TBCD: variants seen among roughly 807,000 people sequenced by gnomAD.
TBCD encodes the protein tubulin folding cofactor D, also known as tubulin-specific chaperone D.
TBCD carries 105 observed loss-of-function variants against 169.3 expected under a neutral mutation model. The ratio of observed to expected loss-of-function variants is 0.62; its 90% CI spans 0.53 to 0.73. The LOEUF is 0.73. TBCD is among the 30% of genes least tolerant of loss of function. The probability of loss-of-function intolerance (pLI) is 0.00; values close to 1 mark genes in which losing one functional copy is unlikely to be tolerated. For synonymous variants in TBCD, 700 were observed against 643.9 expected (o/e 1.09, Z -1.32); for missense variants, 1,444 against 1,600.1 (o/e 0.90, Z 1.66).
chr17:82,887,168 T>TGTGTGTGTGTGTGTGTGTGTGCGC, intron 15 of TBCD, among the ~76,000 whole-genome samples: 3 of 126,102 alleles, frequency 2.4e-5, no homozygotes, highest in African/African-American at 6.7e-5. Flanking sequence ...TGTGTGTGTG[T>TGTGTGTGTGTGTGTGTGTGTGCGC]GCGCGCGCGC....
At chr17:82,799,622 A>G (rs2050356480) in intron 8 of TBCD, among the ~76,000 whole-genome samples, 1 of 152,084 alleles carries the variant, frequency 6.6e-6, no homozygotes, top group Non-Finnish European at 1.5e-5. Flanking sequence ...TCATCCCTGC[A>G]CCGCACAGGA....
chr17:82,866,710 C>G (rs1198810999), intron 13 of TBCD, among the ~76,000 whole-genome samples: 2 of 151,130 alleles, frequency 1.3e-5, no homozygotes, highest in Non-Finnish European at 2.9e-5. Flanking sequence ...CCAGAGGCCC[C>G]AGAGGCCGAG....
intron 16 of TBCD, among the ~76,000 whole-genome samples, chr17:82,891,066 G>C (rs866764552): frequency 6.6e-6 from 1 of 152,236 alleles, no homozygotes; most frequent in Admixed American, 6.5e-5. Context: ...GGTGACGACC[G>C]TGCTGGGTGG....
intron 34 of TBCD, among the ~76,000 whole-genome samples, chr17:82,933,415 G>C (rs548919556): frequency 6.6e-6 from 1 of 151,266 alleles, no homozygotes; most frequent in Non-Finnish European, 1.5e-5. Flanking sequence ...TCTAATGTAC[G>C]GCTAATGTTT....
In TBCD at chr17:82,937,535, C is replaced by T. The variant is rs1047690622; in HGVS notation, c.3281+175C>T. ...AGTCGCAATGGGAGGTGAGGCAGCC[C>T]AGGTGCTGGTGGAGGGAGTTCCCGC... On this transcript the variant is annotated intron_variant, in intron 35 of 38. Transcript: ENST00000355528. The T allele has an allele frequency of 9.3e-6, 6 of 643,338 alleles. No individual in the cohort carries two copies. The African/African-American group carries it at 1.1e-4, about 12-fold the overall frequency. 39.9% of individuals were successfully genotyped at this position (643,338 alleles called of 1,614,324 possible).
At chr17:82,882,653 C>T (rs1385725405) in intron 14 of TBCD, among the ~76,000 whole-genome samples, 1 of 152,162 alleles carries the variant, frequency 6.6e-6, no homozygotes, top group Non-Finnish European at 1.5e-5. Flanking sequence ...GTGCGAGATG[C>T]AGGAAAACAG....
intron 4 of TBCD, among the ~76,000 whole-genome samples, chr17:82,767,180 A>G (rs540280794): frequency 2.0e-5 from 3 of 151,966 alleles, no homozygotes; most frequent in Non-Finnish European, 4.4e-5. Flanking sequence ...GGGGCCTGCT[A>G]TGCTCGCTGT....
intron 7 of TBCD, among the ~76,000 whole-genome samples, chr17:82,794,153 C>T (rs1045317239): frequency 5.3e-5 from 8 of 152,206 alleles, no homozygotes; most frequent in Admixed American, 6.5e-5. Flanking sequence ...TTGGCAGTGC[C>T]TGAAGGGAGC....
chr17:82,863,390 G>A (rs2056927238), intron 13 of TBCD, among the ~76,000 whole-genome samples: 1 of 152,228 alleles, frequency 6.6e-6, no homozygotes, highest in East Asian at 1.9e-4. Context: ...CTTCAGTGAT[G>A]AGGGTGGCCA....
intron 26 of TBCD, among the ~76,000 whole-genome samples, chr17:82,924,308 T>G (rs541256964): frequency 6.6e-6 from 1 of 152,316 alleles, no homozygotes; most frequent in Non-Finnish European, 1.5e-5. Flanking sequence ...TGTGTTTCAC[T>G]CGTTAATACA....
chr17:82,931,274 C>T (rs1427847960), intron 33 of TBCD, among the ~76,000 whole-genome samples: 1 of 152,364 alleles, frequency 6.6e-6, no homozygotes, highest in Admixed American at 6.5e-5. Flanking sequence ...TCGGCCCAGC[C>T]ATGTTTTCTT....
chr17:82,769,150 T>G (rs1299361734), intron 5 of TBCD, among the ~76,000 whole-genome samples: 1 of 152,196 alleles, frequency 6.6e-6, no homozygotes, highest in Non-Finnish European at 1.5e-5. Context: ...CTGAGCTGGG[T>G]CCTTTGTGTC....
chr17:82,790,205 AC>A (rs2049607752), intron 7 of TBCD, among the ~76,000 whole-genome samples: 1 of 145,516 alleles, frequency 6.9e-6, no homozygotes, highest in African/African-American at 2.6e-5. Context: ...CTCCCCGACT[AC>A]CCTCCCGCCT....
Position 82,930,536 on chromosome 17 carries a change from C to G in TBCD, c.3006C>G (p.Thr1002=). 6.2e-7 allele frequency: 1 copy of G among 1,613,472 alleles called. No homozygotes were observed. Among genetic ancestry groups the G allele is most frequent in the Non-Finnish European group, 8.5e-7 (1 of 1,179,800 alleles). ...GLTESTIRHS[T]QSLFEYMKGI... Reference sequence around the variant, plus strand: ...CCGTGTTGCAGATCCGGCACTCCACCCAGAGCCTCTTTGAGTACATGAAGG... The same window carrying G: ...CCGTGTTGCAGATCCGGCACTCCACGCAGAGCCTCTTTGAGTACATGAAGG... Residue 1002 remains threonine (T), a synonymous_variant, in exon 33 of 39, where the codon ACC becomes ACG. Coordinates refer to ENST00000355528, the MANE Select transcript of TBCD (RefSeq NM_005993.5). The surrounding 1 kb of genome is among the most constrained non-coding windows in gnomAD (Gnocchi z 5.2).
intron 9 of TBCD, among the ~76,000 whole-genome samples, chr17:82,804,516 ACTGCCGTCTCAAGGC>A (rs1468394981): frequency 6.6e-6 from 1 of 152,156 alleles, no homozygotes; most frequent in Non-Finnish European, 1.5e-5. Context: ...CGGCCTGGCC[ACTGCCGTCTCAAGGC>A]CTGCATTGCT....
intron 13 of TBCD, among the ~76,000 whole-genome samples, chr17:82,827,091 T>C: frequency 6.6e-6 from 1 of 152,248 alleles, no homozygotes; most frequent in South Asian, 2.1e-4. Context: ...CTTTCAGTTT[T>C]AAGTGCTAAG....
intron 17 of TBCD, among the ~76,000 whole-genome samples, chr17:82,897,635 A>G (rs1309210124): frequency 6.6e-6 from 1 of 152,156 alleles, no homozygotes; most frequent in African/African-American, 2.4e-5. Context: ...GGTTTGGCAG[A>G]TGTGAGCTGT....
At chr17:82,765,577 C>T (rs1175365593) in intron 3 of TBCD, among the ~76,000 whole-genome samples, 6 of 152,112 alleles carry the variant, frequency 3.9e-5, no homozygotes, top group Admixed American at 2.6e-4. Context: ...CCTTGGCCAG[C>T]GAGAGGACAC....
At chr17:82,888,193 C>T (rs1375924234) in intron 15 of TBCD, among the ~76,000 whole-genome samples, 1 of 152,242 alleles carries the variant, frequency 6.6e-6, no homozygotes, top group Non-Finnish European at 1.5e-5. Flanking sequence ...CCCGGGGATG[C>T]TGTCCCGTGT....
Sources: allele counts gnomAD v4.1 joint callset (sites outside exome capture counted in the v4.1 genomes callset), GRCh38; gene constraint gnomAD v4.1.1; non-coding constraint Gnocchi (gnomAD v3.1); transcripts MANE v1.5; gene names NCBI Gene and HGNC (gene_info 2026-07-23, HGNC 2026-07-21).